The following PARD3B variants were observed in gnomAD, a reference collection of about 807,000 sequenced individuals.
PARD3B encodes the protein par-3 family cell polarity regulator beta, also known as partitioning defective 3 homolog B.
In PARD3B, 103 loss-of-function variants were observed where a neutral mutation model predicts 130.2. The ratio of observed to expected loss-of-function variants is 0.79; its 90% CI spans 0.67 to 0.93. The LOEUF is 0.93. Among genes scored for constraint, PARD3B ranks in the 40% least tolerant of loss-of-function variants. PARD3B has a pLI of 0.00. For synonymous variants in PARD3B, 583 were observed against 553.2 expected, an observed-to-expected ratio of 1.05 and a Z score of -0.76; for missense variants, 1,609 against 1,499.2, an observed-to-expected ratio of 1.07 and a Z score of -1.21.
chr2:204,777,248 T>C (rs975172441), intron 2 of PARD3B, among the ~76,000 whole-genome samples: 2 of 152,174 alleles, frequency 1.3e-5, no homozygotes, highest in Non-Finnish European at 2.9e-5. Flanking sequence ...TTTTTTCCCC[T>C]GGAGCTAGAA....
At chr2:205,255,457 A>G (rs1258448309) in intron 16 of PARD3B, among the ~76,000 whole-genome samples, 1 of 152,110 alleles carries the variant, frequency 6.6e-6, no homozygotes, top group Non-Finnish European at 1.5e-5. Flanking sequence ...TCGGTGTCCT[A>G]TAATTCAATT....
intron 3 of PARD3B, among the ~76,000 whole-genome samples, chr2:205,007,023 C>G (rs985467372): frequency 2.0e-5 from 3 of 152,150 alleles, no homozygotes; most frequent in Non-Finnish European, 4.4e-5. Context: ...GAATTCTAAT[C>G]CCCATAATCC....
rs191056800 is a variant in PARD3B, at chr2:205,029,617, T to G, written c.395-17964T>G. Among the ~76,000 whole-genome samples the G allele has an allele frequency of 1.9e-3, 289 of 152,308 alleles. 1 individual carries two copies. The highest frequency in any genetic ancestry group is 6.4e-3 in the African/African-American group (266 of 41,588). ...TCTCCCTCTTGCTCCTACAGCGCTT[T>G]CCAGTGACTGCTTGGAATCTTTAGT... On this transcript the variant is annotated intron_variant, in intron 3 of 22. Transcript: ENST00000406610.
chr2:205,308,279 T>C (rs1045007649), intron 18 of PARD3B, among the ~76,000 whole-genome samples: 2 of 152,108 alleles, frequency 1.3e-5, no homozygotes, highest in Admixed American at 1.3e-4. Context: ...GAAGGAAGGA[T>C]AAAAACTTTT....
intron 1 of PARD3B, among the ~76,000 whole-genome samples, chr2:204,549,742 T>A (rs1479997948): frequency 2.0e-5 from 3 of 152,204 alleles, no homozygotes; most frequent in African/African-American, 7.2e-5. Flanking sequence ...AATCTGTTAT[T>A]AAGCAACAGA....
At chr2:204,806,400 T>C (rs921731516) in intron 2 of PARD3B, among the ~76,000 whole-genome samples, 2 of 152,190 alleles carry the variant, frequency 1.3e-5, no homozygotes, top group African/African-American at 4.8e-5. Flanking sequence ...AAAGATAGTC[T>C]TCAATAAATA....
intron 2 of PARD3B, among the ~76,000 whole-genome samples, chr2:204,839,865 TTGTC>T (rs1344265442): frequency 6.6e-6 from 1 of 152,190 alleles, no homozygotes; most frequent in Non-Finnish European, 1.5e-5. Flanking sequence ...ACAGCTCTCA[TTGTC>T]TGTAAGGCTA....
At chr2:204,819,947 A>C (rs1297225323) in intron 2 of PARD3B, among the ~76,000 whole-genome samples, 2 of 152,168 alleles carry the variant, frequency 1.3e-5, no homozygotes, top group Non-Finnish European at 2.9e-5. Flanking sequence ...GTTTAAGGAA[A>C]GAGGCCATCT....
At chr2:205,177,028 C>G (rs2035513355) in intron 13 of PARD3B, among the ~76,000 whole-genome samples, 1 of 152,112 alleles carries the variant, frequency 6.6e-6, no homozygotes, top group Admixed American at 6.5e-5. Flanking sequence ...AATATCCTAA[C>G]CTGAAACCAT....
intron 14 of PARD3B, among the ~76,000 whole-genome samples, chr2:205,190,124 T>C (rs1351202862): frequency 2.0e-5 from 3 of 152,248 alleles, no homozygotes; most frequent in African/African-American, 7.2e-5. Context: ...CCTAGCTTGA[T>C]GTTACTGCAT....
rs1276009770 is a variant in PARD3B at position 204,991,323 on chromosome 2, G to A, written c.394+26000G>A. 3.8e-3 allele frequency among the ~76,000 whole-genome samples: 551 copies of A among 145,178 alleles called. 2 individuals carry two copies. The highest frequency in any genetic ancestry group is 0.013 in the African/African-American group (506 of 38,830). On this transcript the variant is annotated intron_variant, in intron 3 of 22. Transcript: ENST00000406610. ...TTCCCACCTATGAGTGAGAATATGCGGTGTTTGGTTTTTTGTTCTTGCGAT... is the reference window on the plus strand; with the variant it reads ...TTCCCACCTATGAGTGAGAATATGCAGTGTTTGGTTTTTTGTTCTTGCGAT...
intron 1 of PARD3B, among the ~76,000 whole-genome samples, chr2:204,558,391 A>G (rs149510378): frequency 4.6e-5 from 7 of 152,206 alleles, no homozygotes; most frequent in Non-Finnish European, 7.3e-5. Flanking sequence ...AAGCATTCCT[A>G]TACACCAATA....
intron 2 of PARD3B, among the ~76,000 whole-genome samples, chr2:204,751,080 A>T (rs1395821522): frequency 6.6e-6 from 1 of 152,208 alleles, no homozygotes; most frequent in East Asian, 1.9e-4. Context: ...TAAAACTGCT[A>T]CCACCTGTCA....
intron 2 of PARD3B, among the ~76,000 whole-genome samples, chr2:204,915,011 C>T (rs536038034): frequency 2.0e-5 from 3 of 152,184 alleles, no homozygotes; most frequent in Non-Finnish European, 2.9e-5. Flanking sequence ...CCCCACTTTC[C>T]TCACCTATTT....
At chr2:205,152,739 T>C (rs951001381) in intron 10 of PARD3B, among the ~76,000 whole-genome samples, 6 of 152,218 alleles carry the variant, frequency 3.9e-5, no homozygotes, top group African/African-American at 1.4e-4. Flanking sequence ...ATTACCGATC[T>C]CCTGAAGCCT....
intron 20 of PARD3B, among the ~76,000 whole-genome samples, chr2:205,455,224 G>T (rs1296851350): frequency 2.0e-5 from 3 of 152,060 alleles, no homozygotes; most frequent in African/African-American, 7.2e-5. Flanking sequence ...GAGCATAATC[G>T]TAGTACCTAC....
At chr2:204,824,733 T>C (rs1463964384) in intron 2 of PARD3B, among the ~76,000 whole-genome samples, 8 of 152,216 alleles carry the variant, frequency 5.3e-5, no homozygotes, top group Non-Finnish European at 1.5e-5. Context: ...CCCACTTATT[T>C]TGAAATTTTG....
intron 18 of PARD3B, among the ~76,000 whole-genome samples, chr2:205,330,770 A>G (rs1228319104): frequency 6.6e-6 from 1 of 152,222 alleles, no homozygotes; most frequent in East Asian, 1.9e-4. Flanking sequence ...ATTTATAAAC[A>G]TTTCAGCTTT....
At position 205,002,666 on chromosome 2, in the gene PARD3B, C is replaced by G. The variant is rs981236768; in HGVS notation, c.394+37343C>G. 7.9e-5 allele frequency among the ~76,000 whole-genome samples: 12 copies of G among 152,144 alleles called. 1 individual carries two copies. Among genetic ancestry groups the G allele is most frequent in the Non-Finnish European group, 1.6e-4 (11 of 68,032 alleles). On this transcript the variant is annotated intron_variant, in intron 3 of 22. Transcript: ENST00000406610. ...CTCTTCTGCCTCCACCCTGCCTGCT[C>G]CACAGCCTATTCTTAACTTGCAACA...
Sources: allele counts gnomAD v4.1 joint callset (sites outside exome capture counted in the v4.1 genomes callset), GRCh38; gene constraint gnomAD v4.1.1; transcripts MANE v1.5; gene names NCBI Gene and HGNC (gene_info 2026-07-23, HGNC 2026-07-21).